RFC3: variants seen among roughly 807,000 people sequenced by gnomAD.
RFC3 encodes A1 38 kDa subunit.
A neutral mutation model predicts 45.1 loss-of-function variants in RFC3; 41 were observed. The observed-to-expected ratio is 0.91, with a 90% CI of 0.71 to 1.18. RFC3 has a LOEUF of 1.18. Among genes scored for constraint, RFC3 ranks in the 50% most tolerant of loss-of-function variants. RFC3 has a pLI of 0.00. For missense variants in RFC3, 423 were observed against 428.1 expected, an observed-to-expected ratio of 0.99 and a Z score of 0.10; for synonymous variants, 149 against 144.0, an observed-to-expected ratio of 1.03 and a Z score of -0.25.
At chr13:33,938,967 G>A (rs967604702) in intron 8 of RFC3, among the ~76,000 whole-genome samples, 2 of 152,094 alleles carry the variant, frequency 1.3e-5, no homozygotes, top group East Asian at 1.9e-4. Context: ...TGGTGTGTGT[G>A]TAGTGGTATC....
intron 4 of RFC3, among the ~76,000 whole-genome samples, chr13:33,828,421 A>G (rs1358618458): frequency 1.3e-5 from 2 of 152,160 alleles, no homozygotes; most frequent in African/African-American, 2.4e-5. Flanking sequence ...ACTGTCTTAG[A>G]AGGGAACTTC....
At chr13:33,848,512 T>C (rs546696668) in intron 8 of RFC3, 1 of 152,366 alleles carries the variant, frequency 6.6e-6, no homozygotes, top group Admixed American at 6.5e-5. Context: ...TTAAACCAGC[T>C]ACTTCTCTTA....
chr13:33,880,118 G>A (rs543963359), intron 8 of RFC3, among the ~76,000 whole-genome samples: 4 of 152,190 alleles, frequency 2.6e-5, no homozygotes, highest in East Asian at 1.9e-4. Context: ...CCCCTTTATC[G>A]TGTAATATAA....
intron 8 of RFC3, among the ~76,000 whole-genome samples, chr13:33,902,488 A>G (rs2082647748): frequency 6.6e-6 from 1 of 152,118 alleles, no homozygotes; most frequent in Admixed American, 6.6e-5. Flanking sequence ...AAGGATTTGC[A>G]TCTGGCAGTA....
intron 2 of RFC3, 73 bp downstream of exon 2, chr13:33,821,342 C>A (rs1593603787): frequency 7.1e-7 from 1 of 1,416,944 alleles, no homozygotes; most frequent in East Asian, 2.3e-5. Flanking sequence ...GTATGTCCCC[C>A]CAACTCAGTT....
chr13:33,821,977 A>G (rs928585649), intron 2 of RFC3, among the ~76,000 whole-genome samples: 27 of 152,234 alleles, frequency 1.8e-4, no homozygotes, highest in Non-Finnish European at 3.8e-4. Flanking sequence ...TGTCGAGAAC[A>G]TATATTCATT....
In RFC3 at chr13:33,928,341, A is replaced by G. The variant is rs577590308; in HGVS notation, c.880-37746A>G. Reference sequence around the variant, plus strand: ...CTTATGTATTTACGCAGTTATATCCATGGTTGTAAAGGTTGATACCTGCTA... The same window carrying G: ...CTTATGTATTTACGCAGTTATATCCGTGGTTGTAAAGGTTGATACCTGCTA... On this transcript the variant is annotated intron_variant, in intron 8 of 8. Coordinates refer to the RFC3 transcript ENST00000434425. Among the ~76,000 whole-genome samples the G allele has an allele frequency of 2.4e-4, 37 of 152,240 alleles. No individual in the cohort carries two copies. The South Asian group carries it at 7.7e-3, about 32-fold the overall frequency.
In RFC3 at chr13:33,836,296, C is replaced by T; in HGVS notation, c.*1C>T. The stretch of plus-strand genomic sequence containing the variant: ...TGGATTGGAAGGCATGATGTTCTGA[C>T]TTCTGTCAGTTATTCTTGCAAAGAT... On this transcript the variant is annotated 3_prime_UTR_variant, in exon 9 of 9. Transcript: ENST00000380071. The T allele has an allele frequency of 6.2e-7, 1 of 1,611,372 alleles. No homozygotes were observed. The highest frequency in any genetic ancestry group is 8.5e-7 in the Non-Finnish European group (1 of 1,177,892).
chr13:33,867,639 A>G (rs1338062111), intron 8 of RFC3, among the ~76,000 whole-genome samples: 1 of 152,140 alleles, frequency 6.6e-6, no homozygotes, highest in Non-Finnish European at 1.5e-5. Flanking sequence ...AATTAATGAA[A>G]AATTACAGCT....
intron 8 of RFC3, among the ~76,000 whole-genome samples, chr13:33,924,359 G>A (rs1052595156): frequency 6.6e-6 from 1 of 151,914 alleles, no homozygotes; most frequent in Non-Finnish European, 1.5e-5. Context: ...GATCAGGGTT[G>A]GCAAACTATG....
intron 1 of RFC3, 66 bp downstream of exon 1, chr13:33,818,331 C>G (rs1327110676): frequency 3.7e-6 from 5 of 1,354,630 alleles, no homozygotes; most frequent in East Asian, 4.6e-5. Context: ...TCGCGCCCCC[C>G]TGAGGAGCAG....
chr13:33,847,616 C>T (rs1235954533), intron 8 of RFC3: 1 of 152,066 alleles, frequency 6.6e-6, no homozygotes, highest in East Asian at 1.9e-4. Context: ...TACCTCACAT[C>T]CTCATCTTGC....
Position 33,935,091 on chromosome 13 carries a change from A to G in RFC3, c.880-30996A>G, listed in dbSNP as rs116644273. ...CATGTCAAGGTCCAAAAATATGTCA[A>G]TTTTTCCTTTGAAATGTTATAATAT... On this transcript the variant is annotated intron_variant, in intron 8 of 8. Coordinates refer to the RFC3 transcript ENST00000434425. 8.4e-3 allele frequency among the ~76,000 whole-genome samples: 1,282 copies of G among 151,920 alleles called. 17 individuals carry two copies. The highest frequency in any genetic ancestry group is 0.029 in the African/African-American group (1,217 of 41,428).
At chr13:33,922,878 A>C (rs1177763681) in intron 8 of RFC3, among the ~76,000 whole-genome samples, 1 of 152,142 alleles carries the variant, frequency 6.6e-6, no homozygotes, top group Non-Finnish European at 1.5e-5. Flanking sequence ...AGGTAATAGT[A>C]GGTGTCTCGT....
intron 8 of RFC3, among the ~76,000 whole-genome samples, chr13:33,883,755 A>T (rs2082501300): frequency 6.6e-6 from 1 of 152,246 alleles, no homozygotes; most frequent in Non-Finnish European, 1.5e-5. Context: ...GACACATATG[A>T]GGGAACAATA....
intron 8 of RFC3, among the ~76,000 whole-genome samples, chr13:33,923,257 T>A (rs142976068): frequency 6.6e-6 from 1 of 152,188 alleles, no homozygotes; most frequent in East Asian, 1.9e-4. Flanking sequence ...AGACAGCCGA[T>A]CTTGCTAGGA....
intron 8 of RFC3, among the ~76,000 whole-genome samples, chr13:33,891,791 A>C (rs562971734): frequency 5.6e-4 from 85 of 152,316 alleles, no homozygotes; most frequent in African/African-American, 2.0e-3. Context: ...AACACATATA[A>C]TCACATAAAT....
intron 8 of RFC3, among the ~76,000 whole-genome samples, chr13:33,921,302 G>GT (rs1324686843): frequency 6.6e-6 from 1 of 152,134 alleles, no homozygotes; most frequent in African/African-American, 2.4e-5. Flanking sequence ...TAGTGGCTCC[G>GT]TAAGTGGAGC....
intron 8 of RFC3, among the ~76,000 whole-genome samples, chr13:33,844,350 C>T (rs1436758416): frequency 6.6e-6 from 1 of 152,232 alleles, no homozygotes; most frequent in Non-Finnish European, 1.5e-5. Flanking sequence ...CTCTAGTGCT[C>T]TGCCCACCTT....
Sources: gnomAD v4.1 joint callset for allele counts (sites outside exome capture counted in the v4.1 genomes callset) on GRCh38, gnomAD v4.1.1 for gene constraint, MANE v1.5 for transcripts, NCBI Gene and HGNC (gene_info 2026-07-23, HGNC 2026-07-21) for gene names.